Variants in DGKB observed in about 807,000 individuals in gnomAD.
DGKB encodes the protein diacylglycerol kinase beta.
A neutral mutation model predicts 114.3 loss-of-function variants in DGKB; 67 were observed. That is an observed-to-expected ratio of 0.59 (90% CI 0.48 to 0.72). DGKB has a LOEUF of 0.72. Ranked by LOEUF, DGKB falls within the 30% of genes least tolerant of loss-of-function variation. The pLI is 0.00. For synonymous variants in DGKB, 398 were observed against 323.1 expected, an observed-to-expected ratio of 1.23 and a Z score of -2.49; for missense variants, 907 against 975.2, an observed-to-expected ratio of 0.93 and a Z score of 0.93.
rs1813189734 is a variant in DGKB at position 14,350,183 on chromosome 7, T to G, written c.1836-4792A>C. ...ACTGTAATTTTGCTTCTTTTACGTA[T>G]CCTGAGTAATGTGAACTATCAGAGA... is the stretch of plus-strand genomic sequence containing the variant. On this transcript the variant is annotated intron_variant, in intron 21 of 25. Coordinates refer to ENST00000402815, the MANE Select transcript of DGKB (RefSeq NM_001350709.2). Among the ~76,000 whole-genome samples, 3 of 152,268 alleles carry G rather than the reference T, an allele frequency of 2.0e-5. No individual in the cohort carries two copies. The South Asian group carries it at 6.2e-4, about 32-fold the overall frequency.
At chr7:14,874,259 T>G (rs1852919873) in intron 1 of DGKB, among the ~76,000 whole-genome samples, 1 of 152,178 alleles carries the variant, frequency 6.6e-6, no homozygotes, top group Middle Eastern at 3.4e-3. Flanking sequence ...TTTTCTTTAA[T>G]TAGGAGTTAC....
intron 23 of DGKB, among the ~76,000 whole-genome samples, chr7:14,298,287 G>A (rs895132391): frequency 5.3e-5 from 8 of 151,974 alleles, no homozygotes; most frequent in South Asian, 2.1e-4. Flanking sequence ...GAGGCATCAC[G>A]CTACCTGACT....
At chr7:14,808,722 G>A (rs1350278287) in intron 2 of DGKB, among the ~76,000 whole-genome samples, 1 of 152,094 alleles carries the variant, frequency 6.6e-6, no homozygotes, top group African/African-American at 2.4e-5. Context: ...TAATTCATAG[G>A]TGTCATTTGG....
intron 23 of DGKB, among the ~76,000 whole-genome samples, chr7:14,179,658 A>G (rs1240338200): frequency 6.6e-6 from 1 of 152,186 alleles, no homozygotes; most frequent in Non-Finnish European, 1.5e-5. Context: ...GTGCTTTGCA[A>G]TCTCCAAGTT....
chr7:14,328,503 A>G (rs1220562671), intron 23 of DGKB, among the ~76,000 whole-genome samples: 1 of 152,008 alleles, frequency 6.6e-6, no homozygotes, highest in Non-Finnish European at 1.5e-5. Context: ...GCTCAGGGAA[A>G]TGGAATTGTT....
intron 20 of DGKB, among the ~76,000 whole-genome samples, chr7:14,539,932 TTTAA>T (rs1584680559): frequency 6.6e-6 from 1 of 152,084 alleles, no homozygotes; most frequent in African/African-American, 2.4e-5. Flanking sequence ...GAAAAATAAT[TTTAA>T]TTAATCTCGT....
At chr7:14,426,825 C>T (rs1234509085) in intron 21 of DGKB, among the ~76,000 whole-genome samples, 1 of 151,878 alleles carries the variant, frequency 6.6e-6, no homozygotes, top group Non-Finnish European at 1.5e-5. Flanking sequence ...GAGGCCAAGG[C>T]AGGTGGATCA....
At chr7:14,271,576 C>A (rs896461503) in intron 23 of DGKB, among the ~76,000 whole-genome samples, 3 of 152,176 alleles carry the variant, frequency 2.0e-5, no homozygotes, top group Non-Finnish European at 4.4e-5. Flanking sequence ...AACTTAGGAT[C>A]CCAGGCAGAC....
At chr7:14,537,945 C>T (rs1416298115) in intron 20 of DGKB, among the ~76,000 whole-genome samples, 5 of 151,788 alleles carry the variant, frequency 3.3e-5, no homozygotes, top group Admixed American at 6.6e-5. Flanking sequence ...CCAGGCGTGG[C>T]GGCGCATGCC....
At chr7:14,959,198 T>C (rs1203712226) in intron 1 of DGKB, among the ~76,000 whole-genome samples, 1 of 152,078 alleles carries the variant, frequency 6.6e-6, no homozygotes, top group Non-Finnish European at 1.5e-5. Flanking sequence ...AAAAATATTA[T>C]ACATTTCATC....
chr7:14,806,960 T>C (rs1562586650), intron 2 of DGKB, among the ~76,000 whole-genome samples: 1 of 151,978 alleles, frequency 6.6e-6, no homozygotes, highest in Non-Finnish European at 1.5e-5. Context: ...GATAGCCTAT[T>C]CTGCCAAGTT....
At chr7:14,561,974 G>A (rs887718045) in intron 20 of DGKB, among the ~76,000 whole-genome samples, 3 of 152,144 alleles carry the variant, frequency 2.0e-5, no homozygotes, top group Non-Finnish European at 2.9e-5. Flanking sequence ...ACAGGCCTGG[G>A]GGCCTTGGAG....
intron 23 of DGKB, among the ~76,000 whole-genome samples, chr7:14,244,054 G>A (rs199873729): frequency 4.0e-5 from 6 of 150,448 alleles, no homozygotes; most frequent in Non-Finnish European, 7.4e-5. Context: ...AGAGAGAGAG[G>A]GAGAGAGAGA....
At chr7:14,652,703 G>A (rs1363700811) in intron 13 of DGKB, among the ~76,000 whole-genome samples, 1 of 150,282 alleles carries the variant, frequency 6.7e-6, no homozygotes, top group Non-Finnish European at 1.5e-5. Flanking sequence ...TACCATCAGA[G>A]TGAACAGGCA....
intron 17 of DGKB, among the ~76,000 whole-genome samples, chr7:14,605,641 G>C (rs117235325): frequency 6.6e-6 from 1 of 151,884 alleles, no homozygotes; most frequent in Non-Finnish European, 1.5e-5. Flanking sequence ...AGGATGCCTA[G>C]AACTGAAAGA....
intron 4 of DGKB, among the ~76,000 whole-genome samples, chr7:14,739,718 T>C (rs1332379357): frequency 6.6e-6 from 1 of 152,214 alleles, no homozygotes; most frequent in Admixed American, 6.5e-5. Context: ...CTCAGACTTT[T>C]TCTGAAGGCA....
chr7:14,184,991 T>C (rs1783190242), intron 23 of DGKB, among the ~76,000 whole-genome samples: 1 of 152,142 alleles, frequency 6.6e-6, no homozygotes, highest in Non-Finnish European at 1.5e-5. Flanking sequence ...CTCTCACCAC[T>C]ACTCTTCAAC....
At chr7:14,852,874 T>C (rs2128163264) in intron 1 of DGKB, among the ~76,000 whole-genome samples, 1 of 152,270 alleles carries the variant, frequency 6.6e-6, no homozygotes, top group South Asian at 2.1e-4. Context: ...AAAATAATTT[T>C]CCAGTGAAAA....
chr7:14,545,780 G>A (rs1366174806), intron 20 of DGKB, among the ~76,000 whole-genome samples: 1 of 152,218 alleles, frequency 6.6e-6, no homozygotes, highest in African/African-American at 2.4e-5. Context: ...GGGTGAGAAA[G>A]AGGGCAGGAA....
Sources: allele counts gnomAD v4.1 joint callset (sites outside exome capture counted in the v4.1 genomes callset), GRCh38; gene constraint gnomAD v4.1.1; transcripts MANE v1.5; gene names NCBI Gene and HGNC (gene_info 2026-07-23, HGNC 2026-07-21).